The following MINPP1 variants were observed in gnomAD, a reference collection of about 807,000 sequenced individuals.
MINPP1 encodes the protein multiple inositol-polyphosphate phosphatase 1.
MINPP1 carries 28 observed loss-of-function variants against 46.1 expected under a neutral mutation model. The ratio of observed to expected loss-of-function variants is 0.61; its 90% CI spans 0.45 to 0.83. The LOEUF is 0.83. MINPP1 is among the 40% of genes least tolerant of loss of function. The pLI, the probability that MINPP1 is intolerant of heterozygous loss-of-function variation, is 0.00. For synonymous variants in MINPP1, 268 were observed against 249.1 expected (o/e 1.08, Z -0.72); for missense variants, 603 against 610.0 (o/e 0.99, Z 0.12).
intron 2 of MINPP1, among the ~76,000 whole-genome samples, chr10:87,508,798 A>G (rs113171627): frequency 3.9e-5 from 6 of 152,284 alleles, no homozygotes; most frequent in African/African-American, 1.4e-4. Flanking sequence ...AGTAATATAA[A>G]GCCTCAACTG....
chr10:87,552,363 A>G lies in MINPP1; in HGVS notation c.1349A>G (p.Glu450Gly). Residue 450 changes from glutamate (E) to glycine (G), a missense_variant, in exon 5 of 5, where the codon GAA (glutamate) becomes GGA (glycine). Glu to Gly is a moderately conservative substitution (Grantham distance 98, BLOSUM62 -2). Around this residue, in one of 3 missense-constraint regions of MINPP1, gnomAD observed 344 missense variants for 381.1 expected, o/e 0.90. Transcript: ENST00000371996. ...GTGTTACCTTTGGCTTACTCACAAG[A>G]AACTGTTTCATTTTATGAAGATCTG... ...EKVLPLAYSQ[E>G]TVSFYEDLKN... The G allele has an allele frequency of 6.2e-7, 1 of 1,613,680 alleles. No homozygotes were observed.
At chr10:87,547,285 G>T (rs550705850) in intron 4 of MINPP1, among the ~76,000 whole-genome samples, 1 of 151,980 alleles carries the variant, frequency 6.6e-6, no homozygotes, top group African/African-American at 2.4e-5. Flanking sequence ...TAGTTTTTTT[G>T]TATATTTGAT....
intron 1 of MINPP1, among the ~76,000 whole-genome samples, chr10:87,506,400 A>G (rs764269701): frequency 6.6e-6 from 1 of 152,182 alleles, no homozygotes; most frequent in Non-Finnish European, 1.5e-5. Flanking sequence ...TAATAATGAT[A>G]GCATACACCT....
chr10:87,550,101 A>T (rs1851942026), intron 4 of MINPP1, among the ~76,000 whole-genome samples: 1 of 152,156 alleles, frequency 6.6e-6, no homozygotes, highest in Non-Finnish European at 1.5e-5. Context: ...TTAGCTGATT[A>T]TGGTCTTACG....
intron 4 of MINPP1, among the ~76,000 whole-genome samples, chr10:87,544,245 A>C (rs1564682854): frequency 6.6e-6 from 1 of 152,180 alleles, no homozygotes; most frequent in African/African-American, 2.4e-5. Flanking sequence ...TTTAGTATAA[A>C]ATATTACAGA....
chr10:87,541,149 G>A (rs2131837056), intron 4 of MINPP1, among the ~76,000 whole-genome samples: 1 of 152,314 alleles, frequency 6.6e-6, no homozygotes, highest in Non-Finnish European at 1.5e-5. Flanking sequence ...AGAAATGTGA[G>A]TAATCCTTAT....
chr10:87,534,278 C>T (rs527978022), intron 4 of MINPP1, among the ~76,000 whole-genome samples: 2 of 152,184 alleles, frequency 1.3e-5, no homozygotes, highest in African/African-American at 2.4e-5. Context: ...TGGTCTTGAA[C>T]TCCTAACCTC....
At chr10:87,524,794 C>A (rs940946559) in intron 4 of MINPP1, among the ~76,000 whole-genome samples, 1 of 152,048 alleles carries the variant, frequency 6.6e-6, no homozygotes, top group African/African-American at 2.4e-5. Context: ...AGAACATATA[C>A]AACATTTATC....
chr10:87,515,989 C>T (rs59980852), intron 3 of MINPP1, among the ~76,000 whole-genome samples: 54,489 of 149,182 alleles, frequency 0.37, 10,778 homozygotes, highest in Non-Finnish European at 0.45. Flanking sequence ...CCATCATGCC[C>T]GGCTAATGTT....
At chr10:87,546,239 C>T (rs913170216) in intron 4 of MINPP1, among the ~76,000 whole-genome samples, 1 of 152,108 alleles carries the variant, frequency 6.6e-6, no homozygotes, top group Non-Finnish European at 1.5e-5. Flanking sequence ...ACCAAGAGTT[C>T]CTTCCCTTTT....
At position 87,505,168 on chromosome 10, in the gene MINPP1, G is replaced by C. The variant is rs766332791; in HGVS notation, c.253G>C (p.Ala85Pro). ...GACCTGCACCCCGGTGCAGCTGGTCGCCCTCATTCGCCACGGCACCCGCTA... is the reference window on the plus strand; with the variant it reads ...GACCTGCACCCCGGTGCAGCTGGTCCCCCTCATTCGCCACGGCACCCGCTA... ...EGTCTPVQLV[A>P]LIRHGTRYPT... Residue 85 changes from alanine (A) to proline (P), a missense_variant, in exon 1 of 5, where the codon GCC becomes CCC. By Grantham distance (27) the Ala-to-Pro change is conservative. Transcript: ENST00000371996. The surrounding 1 kb of genome is among the most constrained non-coding windows in gnomAD (Gnocchi z 4.4). 6.2e-7 allele frequency: 1 copy of C among 1,608,740 alleles called. No individual in the cohort carries two copies. The highest frequency in any genetic ancestry group is 8.5e-7 in the Non-Finnish European group (1 of 1,177,748).
chr10:87,529,397 A>G (rs1055354807), intron 4 of MINPP1, among the ~76,000 whole-genome samples: 4 of 152,154 alleles, frequency 2.6e-5, no homozygotes, highest in African/African-American at 9.7e-5. Flanking sequence ...CTTGTAAGGC[A>G]GGCCTGGTGG....
intron 3 of MINPP1, among the ~76,000 whole-genome samples, chr10:87,513,669 G>A (rs1353479820): frequency 6.6e-6 from 1 of 152,136 alleles, no homozygotes; most frequent in African/African-American, 2.4e-5. Context: ...GTGAACACTT[G>A]TATGTCCTTC....
At chr10:87,518,682 G>A (rs1851450108) in intron 3 of MINPP1, among the ~76,000 whole-genome samples, 1 of 152,196 alleles carries the variant, frequency 6.6e-6, no homozygotes, top group African/African-American at 2.4e-5. Context: ...GTACTCTTCT[G>A]TTCAGCTGGC....
chr10:87,549,036 T>C (rs1050176517), intron 4 of MINPP1, among the ~76,000 whole-genome samples: 1 of 152,204 alleles, frequency 6.6e-6, no homozygotes, highest in Non-Finnish European at 1.5e-5. Flanking sequence ...GAATCTAATA[T>C]ATAAACTTCC....
intron 3 of MINPP1, 77 bp downstream of exon 3, chr10:87,513,298 G>C (rs1851363098): frequency 9.9e-7 from 1 of 1,011,880 alleles, no homozygotes; most frequent in African/African-American, 1.6e-5. Context: ...TTGGTTACTT[G>C]AAGCAGCTTT....
chr10:87,514,269 T>C (rs907834624), intron 3 of MINPP1, among the ~76,000 whole-genome samples: 93 of 152,352 alleles, frequency 6.1e-4, no homozygotes, highest in African/African-American at 2.2e-3. Context: ...TACTTGGGCA[T>C]GCATCTAGGA....
chr10:87,514,369 G>C (rs1045293798), intron 3 of MINPP1, among the ~76,000 whole-genome samples: 1 of 152,098 alleles, frequency 6.6e-6, no homozygotes, highest in African/African-American at 2.4e-5. Context: ...CTAATGTACA[G>C]TCAACTTTCA....
intron 4 of MINPP1, among the ~76,000 whole-genome samples, chr10:87,539,281 A>C (rs1189504809): frequency 6.6e-6 from 1 of 152,170 alleles, no homozygotes; most frequent in Admixed American, 6.5e-5. Context: ...GTATCTTTTC[A>C]AGTGGTTTTG....
Sources: allele counts gnomAD v4.1 joint callset (sites outside exome capture counted in the v4.1 genomes callset), GRCh38; gene constraint gnomAD v4.1.1; regional missense constraint gnomAD v4.1.1; non-coding constraint Gnocchi (gnomAD v3.1); transcripts MANE v1.5; gene names NCBI Gene and HGNC (gene_info 2026-07-23, HGNC 2026-07-21).